Variants in ZNF18 observed in about 807,000 individuals in gnomAD.
ZNF18 encodes the protein heart development-specific gene 1 protein.
In ZNF18, 42 loss-of-function variants were observed where a neutral mutation model predicts 58.1. That is an observed-to-expected ratio of 0.72 (90% CI 0.56 to 0.93). ZNF18 has a LOEUF of 0.93. Among genes scored for constraint, ZNF18 ranks in the 40% least tolerant of loss-of-function variants. The probability of loss-of-function intolerance (pLI) is 0.00; values close to 1 mark genes in which losing one functional copy is unlikely to be tolerated. For missense variants in ZNF18, 540 were observed against 644.2 expected (o/e 0.84, Z 1.75); for synonymous variants, 231 against 239.8 (o/e 0.96, Z 0.34).
the ZNF18 span, among the ~76,000 whole-genome samples, chr17:12,012,851 A>G: frequency 1.8e-3 from 268 of 152,154 alleles, 1 homozygote; most frequent in African/African-American, 6.1e-3. Context: ...GCATCTTCGC[A>G]TTTTTAAAGA....
chr17:11,981,734 G>A (rs1967372856), intron 6 of ZNF18, among the ~76,000 whole-genome samples: 1 of 151,896 alleles, frequency 6.6e-6, no homozygotes, highest in African/African-American at 2.4e-5. Context: ...AATCTCTGCA[G>A]CTTCCATTCA....
At chr17:12,016,187 T>C in the ZNF18 span, among the ~76,000 whole-genome samples, 1 of 152,194 alleles carries the variant, frequency 6.6e-6, no homozygotes, top group African/African-American at 2.4e-5. Context: ...GACAAGTGCT[T>C]ACCCTTGTGT....
chr17:11,991,731 T>C (rs941651500), intron 2 of ZNF18, among the ~76,000 whole-genome samples: 2 of 152,180 alleles, frequency 1.3e-5, no homozygotes, highest in African/African-American at 4.8e-5. Context: ...GCTAGGCTCC[T>C]AGATAGCTTC....
the ZNF18 span, among the ~76,000 whole-genome samples, chr17:12,007,546 G>A: frequency 1.3e-5 from 2 of 152,130 alleles, no homozygotes; most frequent in Non-Finnish European, 2.9e-5. Context: ...TGGACTGATG[G>A]CCCTGCTGAC....
chr17:12,014,603 A>T, the ZNF18 span, among the ~76,000 whole-genome samples: 1 of 152,220 alleles, frequency 6.6e-6, no homozygotes, highest in Non-Finnish European at 1.5e-5. Context: ...ATATATAGAG[A>T]CATAAAGTAG....
chr17:12,019,199 C>T, the ZNF18 span, among the ~76,000 whole-genome samples: 6 of 151,746 alleles, frequency 4.0e-5, no homozygotes, highest in African/African-American at 7.3e-5. Flanking sequence ...CCTGACCTCA[C>T]GTAATCCACC....
At chr17:12,019,333 TGTG>T in the ZNF18 span, among the ~76,000 whole-genome samples, 26 of 143,814 alleles carry the variant, frequency 1.8e-4, no homozygotes, top group African/African-American at 6.2e-4. Flanking sequence ...TGTGTGTGTG[TGTG>T]TTTAAATTAA....
At chr17:12,020,996 T>C in the ZNF18 span, 2 of 1,208,770 alleles carry the variant, frequency 1.7e-6, no homozygotes, top group Non-Finnish European at 2.1e-6. Flanking sequence ...GTCAGCAGCA[T>C]GCAGGGTAAG....
the ZNF18 span, chr17:12,010,782 C>T: frequency 8.2e-5 from 31 of 375,870 alleles, no homozygotes; most frequent in South Asian, 3.3e-4. Context: ...GCACCTCAGG[C>T]TTCTTCCTAC....
intron 6 of ZNF18, among the ~76,000 whole-genome samples, chr17:11,980,451 T>C (rs146383451): frequency 0.011 from 1,639 of 152,210 alleles, 33 homozygotes; most frequent in African/African-American, 0.038. Flanking sequence ...GATGGAGTTT[T>C]GCTCTGTCAC....
At chr17:11,999,618 C>T (rs949580675), upstream of ZNF18, among the ~76,000 whole-genome samples, 5 of 152,142 alleles carry the variant, frequency 3.3e-5, no homozygotes, top group African/African-American at 1.2e-4. Context: ...ATGATGTGCC[C>T]AGCACTCTTC....
At position 11,977,892 on chromosome 17, in the gene ZNF18, T is replaced by C. The variant is rs1597939219; in HGVS notation, c.*65A>G. 3 of 1,502,272 alleles carry C rather than the reference T, an allele frequency of 2.0e-6. No individual in the cohort carries two copies. The East Asian group carries it at 6.8e-5, about 34-fold the overall frequency. 93.1% of individuals were successfully genotyped at this position (1,502,272 alleles called of 1,614,324 possible). On this transcript the variant is annotated 3_prime_UTR_variant, in exon 7 of 7. Coordinates refer to ENST00000580306, the MANE Select transcript of ZNF18 (RefSeq NM_001303281.2). ...TCCTCTTAGACACAATTCCTCTTGA[T>C]GGAGCTGAGTATTTTTGTGACTGGG...
chr17:12,020,022 T>C, the ZNF18 span, among the ~76,000 whole-genome samples: 1 of 152,200 alleles, frequency 6.6e-6, no homozygotes, highest in Non-Finnish European at 1.5e-5. Context: ...CTTCCTAAAA[T>C]AAAAGTCTCT....
rs376340215 is a variant in ZNF18 at position 11,994,106 on chromosome 17, C to G, written c.-82-1195G>C. The stretch of plus-strand genomic sequence containing the variant: ...AGAATTTGGTGGTCATCATTTCTCC[C>G]TAAGACTAATCACAGCAATTTTTAA... On this transcript the variant is annotated intron_variant, in intron 1 of 6. Coordinates refer to ENST00000580306, the MANE Select transcript of ZNF18 (RefSeq NM_001303281.2). 1.6e-4 allele frequency among the ~76,000 whole-genome samples: 25 copies of G among 152,128 alleles called. No individual in the cohort carries two copies. In the East Asian group the frequency reaches 2.3e-3, roughly 14 times the overall value.
At position 11,977,594 on chromosome 17, in the gene ZNF18, G is replaced by C. The variant is rs981394721; in HGVS notation, c.*363C>G. ...CCTGCTCTAGAACTCATTTTAAGGG[G>C]CTGATCTGAGGTTCTTCCCATAAGC... On this transcript the variant is annotated 3_prime_UTR_variant, in exon 7 of 7. Coordinates refer to ENST00000580306, the MANE Select transcript of ZNF18 (RefSeq NM_001303281.2). The C allele has an allele frequency of 1.1e-5, 2 of 180,728 alleles. No homozygotes were observed. Among genetic ancestry groups the C allele is most frequent in the African/African-American group, 4.7e-5 (2 of 42,302 alleles). The allele number at this position is 180,728 out of a possible 1,614,324, so 11.2% of individuals were successfully genotyped here.
chr17:12,001,351 C>T (rs765446357), upstream of ZNF18, among the ~76,000 whole-genome samples: 6 of 152,106 alleles, frequency 3.9e-5, no homozygotes, highest in East Asian at 1.9e-4. Context: ...TACCTCGGGC[C>T]GGGCGCGGTG....
chr17:12,017,754 G>A, the ZNF18 span, among the ~76,000 whole-genome samples: 3 of 152,080 alleles, frequency 2.0e-5, no homozygotes, highest in Non-Finnish European at 4.4e-5. Context: ...GCACATGCCT[G>A]TAATCCCAGC....
At chr17:11,978,894 T>C (rs1967168168) in intron 6 of ZNF18, 150 bp from the exon 7 acceptor site, 1 of 531,136 alleles carries the variant, frequency 1.9e-6, no homozygotes. Context: ...GAAAGAAAAC[T>C]ACCATATGGC....
At chr17:12,021,212 G>A in the ZNF18 span, 4 of 321,224 alleles carry the variant, frequency 1.2e-5, no homozygotes, top group Non-Finnish European at 2.3e-5. Context: ...CCCCGGCCGC[G>A]GCCTCTGCCT....
Sources: gnomAD v4.1 joint callset for allele counts (sites outside exome capture counted in the v4.1 genomes callset) on GRCh38, gnomAD v4.1.1 for gene constraint, MANE v1.5 for transcripts, NCBI Gene and HGNC (gene_info 2026-07-23, HGNC 2026-07-21) for gene names.